Variants in NAV2 observed in about 807,000 individuals in gnomAD.
NAV2 encodes helicase, APC down-regulated 1.
NAV2 carries 54 observed loss-of-function variants against 223.2 expected under a neutral mutation model. The observed-to-expected ratio is 0.24, with a 90% confidence interval of 0.19 to 0.30. The LOEUF is 0.30. NAV2 is among the 10% of genes least tolerant of loss of function. The pLI is 1.00. For missense variants in NAV2, 2,806 were observed against 3,147.5 expected, an observed-to-expected ratio of 0.89 and a Z score of 2.60; for synonymous variants, 1,279 against 1,239.3, an observed-to-expected ratio of 1.03 and a Z score of -0.67.
At chr11:19,771,321 G>T (rs2055700983) in intron 1 of NAV2, among the ~76,000 whole-genome samples, 1 of 152,136 alleles carries the variant, frequency 6.6e-6, no homozygotes, top group Non-Finnish European at 1.5e-5. Flanking sequence ...TAGAAACAAA[G>T]TACTAAGAGC....
intron 1 of NAV2, among the ~76,000 whole-genome samples, chr11:19,544,496 C>T (rs1308919920): frequency 6.6e-6 from 1 of 152,194 alleles, no homozygotes; most frequent in East Asian, 1.9e-4. Context: ...GATTCTGCCT[C>T]CCTGGAGTCC....
intron 29 of NAV2, among the ~76,000 whole-genome samples, 167 bp downstream of exon 29, chr11:20,093,366 A>G (rs1422878731): frequency 3.3e-5 from 5 of 152,192 alleles, no homozygotes; most frequent in Non-Finnish European, 7.3e-5. Context: ...TTCTGACACA[A>G]GTAAAGTGTG....
chr11:19,553,263 A>T (rs1331239594), intron 1 of NAV2, among the ~76,000 whole-genome samples: 1 of 152,198 alleles, frequency 6.6e-6, no homozygotes, highest in Non-Finnish European at 1.5e-5. Flanking sequence ...AGAGACAGAG[A>T]TACAGGAGGT....
At chr11:19,806,788 A>G (rs1217995729) in intron 1 of NAV2, among the ~76,000 whole-genome samples, 1 of 152,178 alleles carries the variant, frequency 6.6e-6, no homozygotes, top group Non-Finnish European at 1.5e-5. Context: ...CCCACTCACC[A>G]TATAATAGAT....
chr11:19,453,842 G>A (rs1206758384), intron 1 of NAV2, among the ~76,000 whole-genome samples: 1 of 152,196 alleles, frequency 6.6e-6, no homozygotes, highest in Non-Finnish European at 1.5e-5. Flanking sequence ...TTAGAAAAAG[G>A]AAAGAGGCCA....
intron 12 of NAV2, among the ~76,000 whole-genome samples, chr11:20,043,591 G>A (rs974066768): frequency 1.3e-5 from 2 of 152,076 alleles, no homozygotes; most frequent in Non-Finnish European, 2.9e-5. Flanking sequence ...ATAGGCGTGT[G>A]CCACCACACT....
intron 1 of NAV2, among the ~76,000 whole-genome samples, chr11:19,800,949 G>A (rs1409425367): frequency 1.3e-5 from 2 of 152,222 alleles, no homozygotes; most frequent in Non-Finnish European, 2.9e-5. Flanking sequence ...GGACCCAGAT[G>A]TATTCTTTAA....
chr11:19,759,842 G>A (rs1405741763), intron 1 of NAV2, among the ~76,000 whole-genome samples: 2 of 152,080 alleles, frequency 1.3e-5, no homozygotes, highest in East Asian at 1.9e-4. Flanking sequence ...TGCTGTTGCC[G>A]TTTGAGGCGC....
intron 1 of NAV2, among the ~76,000 whole-genome samples, chr11:19,637,045 CCGT>C (rs1023132714): frequency 6.6e-6 from 1 of 152,196 alleles, no homozygotes; most frequent in African/African-American, 2.4e-5. Flanking sequence ...TACCTCTGGG[CCGT>C]CTTTTTATGC....
At chr11:19,811,047 G>A (rs1374526231) in intron 1 of NAV2, among the ~76,000 whole-genome samples, 1 of 152,162 alleles carries the variant, frequency 6.6e-6, no homozygotes, top group Non-Finnish European at 1.5e-5. Context: ...TGAATGAATG[G>A]GTGGAATGAC....
intron 1 of NAV2, among the ~76,000 whole-genome samples, chr11:19,632,531 T>C (rs1214694322): frequency 2.0e-5 from 3 of 152,226 alleles, no homozygotes; most frequent in Non-Finnish European, 4.4e-5. Flanking sequence ...TATTATGAGA[T>C]TATTAAACTG....
chr11:19,903,477 G>A (rs1229172676), intron 6 of NAV2, among the ~76,000 whole-genome samples: 1 of 152,122 alleles, frequency 6.6e-6, no homozygotes, highest in African/African-American at 2.4e-5. Flanking sequence ...GGAAATCAAT[G>A]GCCTGGCCTG....
At chr11:19,834,140 T>A (rs570756659) in intron 2 of NAV2, among the ~76,000 whole-genome samples, 9 of 152,376 alleles carry the variant, frequency 5.9e-5, no homozygotes, top group African/African-American at 2.2e-4. Flanking sequence ...GGGGTCGCTG[T>A]AAAGTCTGTC....
chr11:19,370,308 C>A (rs181009153), intron 1 of NAV2, among the ~76,000 whole-genome samples: 2 of 152,222 alleles, frequency 1.3e-5, no homozygotes, highest in African/African-American at 4.8e-5. Context: ...GCTGGACAAG[C>A]CTTTACATTG....
intron 1 of NAV2, among the ~76,000 whole-genome samples, chr11:19,724,622 C>T (rs1240203047): frequency 6.6e-6 from 1 of 152,240 alleles, no homozygotes; most frequent in African/African-American, 2.4e-5. Context: ...AATAGGCCAA[C>T]ACTGACCACC....
intron 1 of NAV2, among the ~76,000 whole-genome samples, chr11:19,547,907 T>C (rs901567): frequency 0.99 from 150,055 of 152,340 alleles, 73,944 homozygotes; most frequent in South Asian, 1. Flanking sequence ...GGATAGTAAA[T>C]GTTTCAATGT....
At chr11:19,990,344 A>G (rs960559484) in intron 11 of NAV2, among the ~76,000 whole-genome samples, 1 of 152,166 alleles carries the variant, frequency 6.6e-6, no homozygotes, top group Non-Finnish European at 1.5e-5. Flanking sequence ...AGGAATTCCA[A>G]GGCCACCAGA....
chr11:20,105,645 A>G lies in NAV2; in HGVS notation c.6759A>G (p.Val2253=). The change falls in exon 35 of 38, where the codon GTA becomes GTG. Residue 2253 remains valine (V), a synonymous_variant. Transcript: ENST00000349880. ...GGCGGGTGCGCAATATGGAGCTGGT[A>G]AAAATCATTGACTGGATTCCCAAGG... ...ISGRVRNMEL[V]KIIDWIPKVW... 1 of 1,614,028 alleles carries G rather than the reference A, an allele frequency of 6.2e-7. No individual in the cohort carries two copies. Among genetic ancestry groups the G allele is most frequent in the Non-Finnish European group, 8.5e-7 (1 of 1,179,988 alleles).
intron 1 of NAV2, among the ~76,000 whole-genome samples, chr11:19,620,212 C>A (rs1161601051): frequency 7.9e-5 from 12 of 152,184 alleles, no homozygotes; most frequent in Non-Finnish European, 1.3e-4. Flanking sequence ...CAGCTTTGTT[C>A]TTTTGGCTTA....
Sources: gnomAD v4.1 joint callset for allele counts (sites outside exome capture counted in the v4.1 genomes callset) on GRCh38, gnomAD v4.1.1 for gene constraint, MANE v1.5 for transcripts, NCBI Gene and HGNC (gene_info 2026-07-23, HGNC 2026-07-21) for gene names.